POLR1A: variants seen among roughly 807,000 people sequenced by gnomAD.
POLR1A encodes the protein RNA polymerase I subunit A, also known as DNA-directed RNA polymerase I subunit RPA1.
POLR1A carries 84 observed loss-of-function variants against 205.3 expected under a neutral mutation model. The ratio of observed to expected loss-of-function variants is 0.41; its 90% CI spans 0.34 to 0.49. The LOEUF (loss-of-function observed/expected upper bound fraction) is 0.49. Among genes scored for constraint, POLR1A ranks in the 20% least tolerant of loss-of-function variants. POLR1A has a pLI of 0.22. For synonymous variants in POLR1A, 799 were observed against 863.7 expected (o/e 0.93, Z 1.31); for missense variants, 1,645 against 2,204.5 (o/e 0.75, Z 5.08).
At chr2:86,052,750 G>C (rs1184075752) in intron 16 of POLR1A, 67 bp downstream of exon 16, 2 of 1,305,882 alleles carry the variant, frequency 1.5e-6, no homozygotes, top group Non-Finnish European at 2.1e-6. Flanking sequence ...TCTGTCCTGG[G>C]CCTGGGAGAT....
Position 86,035,469 on chromosome 2 carries a change from G to A in POLR1A, c.4035-1682C>T, listed in dbSNP as rs185185899. On this transcript the variant is annotated intron_variant, in intron 27 of 33. Coordinates refer to ENST00000263857, the MANE Select transcript of POLR1A (RefSeq NM_015425.6). Reference sequence around the variant, plus strand: ...ATGGGATCACTCTCACTCTGCACCCGAGGCTACTGTGCAGAGCAGAGGAGA... The same window carrying A: ...ATGGGATCACTCTCACTCTGCACCCAAGGCTACTGTGCAGAGCAGAGGAGA... 1.5e-4 allele frequency among the ~76,000 whole-genome samples: 23 copies of A among 152,308 alleles called. No individual in the cohort carries two copies. The East Asian group carries it at 3.3e-3, about 22-fold the overall frequency.
Position 86,049,219 on chromosome 2 carries a change from G to C in POLR1A, c.2416C>G (p.Pro806Ala). ...CGTTGCCTCTTGACATCTGCCTTTG[G>C]CTTCACCAAAATGTCTTCCACGCCT... ...TLGVEDILVK[P>A]KADVKRQRII... The change falls in exon 17 of 34, where the codon CCA (proline) becomes GCA (alanine). Residue 806 changes from proline (P) to alanine (A), a missense_variant. Physicochemically the swap from Pro to Ala is conservative, Grantham distance 27. This residue lies in a region of POLR1A where 339 missense variants were observed against 415.1 expected (regional missense o/e 0.82). Transcript: ENST00000263857. The C allele has an allele frequency of 6.2e-7, 1 of 1,613,892 alleles. No individual in the cohort carries two copies. Among genetic ancestry groups the C allele is most frequent in the Non-Finnish European group, 8.5e-7 (1 of 1,179,798 alleles).
At chr2:86,055,703 A>G (rs1487473350) in intron 14 of POLR1A, among the ~76,000 whole-genome samples, 1 of 152,214 alleles carries the variant, frequency 6.6e-6, no homozygotes, top group Admixed American at 6.5e-5. Flanking sequence ...TGTAAAATCA[A>G]TGGGGCAGAA....
At chr2:86,051,472 G>A (rs1410599720) in intron 16 of POLR1A, among the ~76,000 whole-genome samples, 3 of 152,168 alleles carry the variant, frequency 2.0e-5, no homozygotes, top group Admixed American at 1.3e-4. Flanking sequence ...TCCAGCTGCA[G>A]CAGCTGCAGG....
chr2:86,095,870 G>A (rs1673693045), intron 3 of POLR1A, among the ~76,000 whole-genome samples: 1 of 151,980 alleles, frequency 6.6e-6, no homozygotes, highest in South Asian at 2.1e-4. Context: ...TGGGACTACA[G>A]GCGCCTGCCA....
chr2:86,088,268 G>A (rs1208875552), intron 6 of POLR1A, among the ~76,000 whole-genome samples: 2 of 151,962 alleles, frequency 1.3e-5, no homozygotes, highest in East Asian at 3.9e-4. Context: ...TATTTGTCAG[G>A]TAAATTTCTT....
chr2:86,064,896 GCCTC>G (rs1216330085), intron 14 of POLR1A, among the ~76,000 whole-genome samples: 3 of 151,994 alleles, frequency 2.0e-5, no homozygotes, highest in Non-Finnish European at 4.4e-5. Flanking sequence ...TCTTGCCTCA[GCCTC>G]CCGGTAGCTG....
chr2:86,051,947 C>G (rs1048298515), intron 16 of POLR1A, among the ~76,000 whole-genome samples: 1 of 152,212 alleles, frequency 6.6e-6, no homozygotes, highest in African/African-American at 2.4e-5. Flanking sequence ...ATGGCCCCAC[C>G]GCAGTGGGAA....
At chr2:86,055,299 A>AAAAAAAAAAAAAT (rs1672877403) in intron 14 of POLR1A, among the ~76,000 whole-genome samples, 1 of 152,156 alleles carries the variant, frequency 6.6e-6, no homozygotes, top group Non-Finnish European at 1.5e-5. Flanking sequence ...TGTCTCAAGA[A>AAAAAAAAAAAAAT]AAAAAAGAGA....
chr2:86,040,411 C>T lies in POLR1A; in HGVS notation c.3721G>A (p.Val1241Ile). 5.6e-6 allele frequency: 9 copies of T among 1,609,836 alleles called. No homozygotes were observed. Among genetic ancestry groups the T allele is most frequent in the Non-Finnish European group, 6.8e-6 (8 of 1,177,716 alleles). ...CCACACCTTGGAATGCCCAGGGTGA[C>T]GTTCATCTCGCCTCTGCCTGCAAAG... ...FHFAGRGEMN[V>I]TLGIPRLREI... The change falls in exon 25 of 34, where the codon GTC (valine) becomes ATC (isoleucine). Residue 1241 changes from valine to isoleucine, a missense_variant. Physicochemically the swap from Val to Ile is conservative, Grantham distance 29. Around this residue, in one of 16 missense-constraint regions of POLR1A, gnomAD observed 13 missense variants for 55.1 expected, o/e 0.24. Transcript: ENST00000263857.
At chr2:86,102,466 G>A (rs900162652) in intron 1 of POLR1A, among the ~76,000 whole-genome samples, 7 of 152,136 alleles carry the variant, frequency 4.6e-5, no homozygotes, top group Non-Finnish European at 1.0e-4. Flanking sequence ...TTTTAAAATT[G>A]AATTTTGTGT....
chr2:86,021,557 G>C lies in POLR1A; in HGVS notation c.*5866C>G, dbSNP rs181564613. ...CACCCTCTAGAGTGCAGCCAGCTGG[G>C]CAAGGCATGGTCCTATAGGGGACAG... On this transcript the variant is annotated 3_prime_UTR_variant, in exon 34 of 34. Coordinates refer to ENST00000263857, the MANE Select transcript of POLR1A (RefSeq NM_015425.6). 1 of 152,490 alleles carries C rather than the reference G, an allele frequency of 6.6e-6. No homozygotes were observed. Among genetic ancestry groups the C allele is most frequent in the African/African-American group, 2.4e-5 (1 of 41,478 alleles). The allele number at this position is 152,490 out of a possible 1,614,324, so 9.4% of individuals were successfully genotyped here. A position where few individuals can be genotyped will look rare whatever the true frequency, so the allele number is the denominator to read the frequency against.
rs770982484 is a variant in POLR1A at position 86,030,269 on chromosome 2, T to C, written c.4706A>G (p.Asn1569Ser). 5.0e-6 allele frequency: 8 copies of C among 1,614,230 alleles called. No homozygotes were observed. The highest frequency in any genetic ancestry group is 6.8e-6 in the Non-Finnish European group (8 of 1,180,028). The change falls in exon 31 of 34, where the codon AAC (asparagine) becomes AGC (serine). Residue 1569 changes from asparagine (N) to serine (S), a missense_variant. Asn to Ser is a conservative substitution (Grantham distance 46). Transcript: ENST00000263857. ...ITRCLLNETT[N>S]NKNEKELVLN... ...CACAAGCTCCTTCTCGTTCTTATTG[T>C]TGGTTGTTTCATTCAGGAGGCACCG...
chr2:86,062,978 A>C (rs1036415291), intron 14 of POLR1A, among the ~76,000 whole-genome samples: 2 of 152,244 alleles, frequency 1.3e-5, no homozygotes, highest in African/African-American at 4.8e-5. Context: ...ATTAAAGCTC[A>C]TTCAAGAAGT....
intron 29 of POLR1A, among the ~76,000 whole-genome samples, chr2:86,031,896 C>T (rs1025502569): frequency 6.6e-6 from 1 of 152,212 alleles, no homozygotes; most frequent in Non-Finnish European, 1.5e-5. Context: ...TGTACCTGCT[C>T]ACCGGTAAGT....
rs768434089 is a variant in POLR1A, at chr2:86,049,152, C to G, written c.2475+8G>C. 4 of 1,613,040 alleles carry G rather than the reference C, an allele frequency of 2.5e-6. No homozygotes were observed. In the South Asian group the frequency reaches 4.4e-5, roughly 18 times the overall value. On this transcript the variant is annotated splice_region_variant and intron_variant, in intron 17 of 33. Coordinates refer to ENST00000263857, the MANE Select transcript of POLR1A (RefSeq NM_015425.6). ...AGGGCAGGCCACGGCCTCGAAGTCC[C>G]TCCTTACCTGGGGCCCGCAGTGGGT...
intron 1 of POLR1A, among the ~76,000 whole-genome samples, chr2:86,105,318 C>A (rs1673905411): frequency 6.6e-6 from 1 of 152,172 alleles, no homozygotes; most frequent in Non-Finnish European, 1.5e-5. Flanking sequence ...CCTGAACTGA[C>A]ACTTGAAGGA....
Position 86,083,670 on chromosome 2 carries a change from T to C in POLR1A, c.731-502A>G, listed in dbSNP as rs558931069. 9.2e-5 allele frequency among the ~76,000 whole-genome samples: 14 copies of C among 152,346 alleles called. No individual in the cohort carries two copies. In the South Asian group the frequency reaches 2.9e-3, roughly 32 times the overall value. On this transcript the variant is annotated intron_variant, in intron 6 of 33. Coordinates refer to ENST00000263857, the MANE Select transcript of POLR1A (RefSeq NM_015425.6). ...TTAACCATATTCTCATAATTGGACATCTGGATTGATTTCCATATTTTGCTA... is the reference window on the plus strand; with the variant it reads ...TTAACCATATTCTCATAATTGGACACCTGGATTGATTTCCATATTTTGCTA...
chr2:86,102,816 G>A (rs1476596859), intron 1 of POLR1A, among the ~76,000 whole-genome samples: 1 of 152,198 alleles, frequency 6.6e-6, no homozygotes, highest in Non-Finnish European at 1.5e-5. Flanking sequence ...ATAGACTTAG[G>A]TTTGAAGATG....
Sources: allele counts gnomAD v4.1 joint callset (sites outside exome capture counted in the v4.1 genomes callset), GRCh38; gene constraint gnomAD v4.1.1; regional missense constraint gnomAD v4.1.1; transcripts MANE v1.5; gene names NCBI Gene and HGNC (gene_info 2026-07-23, HGNC 2026-07-21).